Variants in RIMS2 observed in about 807,000 individuals in gnomAD.
RIMS2 encodes regulating synaptic membrane exocytosis 2.
Under a neutral mutation model 174.4 loss-of-function variants are expected in RIMS2, and 59 were observed. That is an observed-to-expected ratio of 0.34 (90% CI 0.27 to 0.42). The LOEUF is 0.42. RIMS2 is among the 10% of genes least tolerant of loss of function. The pLI, the probability that RIMS2 is intolerant of heterozygous loss-of-function variation, is 1.00. For synonymous variants in RIMS2, 606 were observed against 572.5 expected (o/e 1.06, Z -0.84); for missense variants, 1,620 against 1,666.3 (o/e 0.97, Z 0.48).
chr8:103,871,893 G>T (rs1250124116), intron 3 of RIMS2, among the ~76,000 whole-genome samples: 1 of 151,968 alleles, frequency 6.6e-6, no homozygotes, highest in African/African-American at 2.4e-5. Flanking sequence ...CTCAAACTGT[G>T]ACTGAGTTAT....
chr8:103,530,227 T>C (rs957643508), intron 1 of RIMS2, among the ~76,000 whole-genome samples: 1 of 152,208 alleles, frequency 6.6e-6, no homozygotes. Flanking sequence ...AGATGCATAT[T>C]ATAATTGCTG....
chr8:103,801,294 T>C (rs1223501809), intron 3 of RIMS2, among the ~76,000 whole-genome samples: 1 of 152,194 alleles, frequency 6.6e-6, no homozygotes, highest in African/African-American at 2.4e-5. Context: ...GCCAGCAATG[T>C]CTTTAAAGAC....
chr8:103,562,834 G>A (rs927741539), intron 1 of RIMS2, among the ~76,000 whole-genome samples: 1 of 152,140 alleles, frequency 6.6e-6, no homozygotes, highest in African/African-American at 2.4e-5. Flanking sequence ...TGAAATCTAG[G>A]TGGAGGTTCC....
intron 3 of RIMS2, among the ~76,000 whole-genome samples, chr8:103,787,660 T>C (rs1459386053): frequency 6.6e-6 from 1 of 152,234 alleles, no homozygotes; most frequent in Non-Finnish European, 1.5e-5. Context: ...CTGATGGGCT[T>C]CCCTTTGAGG....
At chr8:103,923,575 A>T (rs1258193590) in intron 10 of RIMS2, among the ~76,000 whole-genome samples, 1 of 151,888 alleles carries the variant, frequency 6.6e-6, no homozygotes, top group East Asian at 1.9e-4. Context: ...TTTATGTATA[A>T]TGATGTAAAG....
At chr8:104,039,170 A>G (rs1481934525) in intron 19 of RIMS2, among the ~76,000 whole-genome samples, 1 of 151,808 alleles carries the variant, frequency 6.6e-6, no homozygotes, top group African/African-American at 2.4e-5. Context: ...CCAATTAAAT[A>G]CTATATAATA....
chr8:104,212,870 G>C (rs984256275), intron 19 of RIMS2, among the ~76,000 whole-genome samples: 1 of 152,160 alleles, frequency 6.6e-6, no homozygotes, highest in Admixed American at 6.5e-5. Flanking sequence ...GAACTGTGTT[G>C]AGACCTATGA....
At chr8:103,922,237 G>T (rs572366999) in intron 10 of RIMS2, among the ~76,000 whole-genome samples, 13 of 151,914 alleles carry the variant, frequency 8.6e-5, no homozygotes, top group African/African-American at 3.1e-4. Flanking sequence ...GTTGAATATT[G>T]CTATGAAATA....
rs1170025772 is a variant in RIMS2 at position 103,582,656 on chromosome 8, C to T, written c.176+81594C>T. Among the ~76,000 whole-genome samples the T allele has an allele frequency of 2.0e-5, 3 of 152,144 alleles. No individual in the cohort carries two copies. In the East Asian group the frequency reaches 5.8e-4, roughly 29 times the overall value. ...ACATCTGTGTTAGTCTGGCAATACT[C>T]CTTGTGGCTGGGGGTAATAATGGCT... On this transcript the variant is annotated intron_variant, in intron 1 of 23. Transcript: ENST00000504942.
At chr8:103,849,671 G>T (rs1046131133) in intron 3 of RIMS2, among the ~76,000 whole-genome samples, 1 of 151,974 alleles carries the variant, frequency 6.6e-6, no homozygotes, top group African/African-American at 2.4e-5. Flanking sequence ...TCTGTTAGTT[G>T]AGGGGACCAG....
At chr8:104,065,386 A>C (rs1379989627) in intron 19 of RIMS2, among the ~76,000 whole-genome samples, 2 of 152,142 alleles carry the variant, frequency 1.3e-5, no homozygotes. Context: ...GGAAGAAAAA[A>C]AAGACTAAGT....
chr8:104,055,351 G>A (rs1191422819), intron 19 of RIMS2, among the ~76,000 whole-genome samples: 1 of 152,074 alleles, frequency 6.6e-6, no homozygotes, highest in Admixed American at 6.5e-5. Flanking sequence ...TTGAGGATAA[G>A]ATGTATATAC....
intron 3 of RIMS2, among the ~76,000 whole-genome samples, chr8:103,834,731 T>TCTTA (rs2098854454): frequency 7.3e-6 from 1 of 136,690 alleles, no homozygotes; most frequent in Non-Finnish European, 1.5e-5. Context: ...TTTCTTTCTT[T>TCTTA]CTTTCTTTCT....
intron 2 of RIMS2, 80 bp from the exon 6 acceptor site, chr8:103,766,147 T>A: frequency 3.1e-6 from 3 of 953,450 alleles, no homozygotes; most frequent in Non-Finnish European, 3.1e-6. Context: ...AATTTTTTGT[T>A]TGCTTGAATT....
intron 19 of RIMS2, among the ~76,000 whole-genome samples, chr8:104,075,001 A>C (rs1054774174): frequency 2.2e-4 from 33 of 152,338 alleles, no homozygotes; most frequent in African/African-American, 7.2e-4. Flanking sequence ...GTAGACATGA[A>C]GAAATAAGAG....
intron 2 of RIMS2, among the ~76,000 whole-genome samples, chr8:103,737,942 A>T (rs936257238): frequency 6.6e-6 from 1 of 152,062 alleles, no homozygotes; most frequent in Non-Finnish European, 1.5e-5. Context: ...CACTTATATG[A>T]TTATTTTGTT....
intron 3 of RIMS2, among the ~76,000 whole-genome samples, chr8:103,782,342 T>C (rs1295087573): frequency 6.6e-6 from 1 of 152,170 alleles, no homozygotes; most frequent in Non-Finnish European, 1.5e-5. Flanking sequence ...TTTTAGTGTA[T>C]GTGTCATATT....
chr8:103,782,896 A>G (rs2098405146), intron 3 of RIMS2, among the ~76,000 whole-genome samples: 1 of 152,132 alleles, frequency 6.6e-6, no homozygotes. Context: ...TCTTTGTGGA[A>G]TGGACTGTAT....
chr8:103,789,055 T>C (rs898905304), intron 3 of RIMS2, among the ~76,000 whole-genome samples: 9 of 152,178 alleles, frequency 5.9e-5, no homozygotes, highest in Non-Finnish European at 1.2e-4. Context: ...CCGTCACCCC[T>C]TTCTTTGACT....
Sources: allele counts gnomAD v4.1 joint callset (sites outside exome capture counted in the v4.1 genomes callset), GRCh38; gene constraint gnomAD v4.1.1; transcripts MANE v1.5; gene names NCBI Gene and HGNC (gene_info 2026-07-23, HGNC 2026-07-21).